Variants in HDAC4 observed in about 807,000 individuals in gnomAD.
HDAC4 encodes histone deacetylase 4, also known as histone deacetylase A.
HDAC4 carries 16 observed loss-of-function variants against 135.1 expected under a neutral mutation model. The observed-to-expected ratio is 0.12, with a 90% CI of 0.08 to 0.18. The LOEUF is 0.18. Ranked by LOEUF, HDAC4 falls within the 10% of genes least tolerant of loss-of-function variation. HDAC4 has a pLI of 1.00. For synonymous variants in HDAC4, 685 were observed against 653.4 expected (o/e 1.05, Z -0.74); for missense variants, 1,143 against 1,511.8 (o/e 0.76, Z 4.05).
intron 6 of HDAC4, among the ~76,000 whole-genome samples, chr2:239,159,038 ACAC>A (rs779561106): frequency 1.3e-5 from 2 of 149,802 alleles, no homozygotes; most frequent in Non-Finnish European, 3.0e-5. Context: ...TCACACCCAC[ACAC>A]ACCTCACCCA....
intron 3 of HDAC4, among the ~76,000 whole-genome samples, chr2:239,208,798 C>CA (rs933841503): frequency 2.5e-4 from 38 of 151,666 alleles, no homozygotes; most frequent in African/African-American, 6.3e-4. Flanking sequence ...ACATAAGAAA[C>CA]AAAAAAAATA....
chr2:239,159,587 C>T (rs766487076), intron 6 of HDAC4, among the ~76,000 whole-genome samples: 2 of 151,802 alleles, frequency 1.3e-5, no homozygotes, highest in Non-Finnish European at 2.9e-5. Context: ...CTTTCCCACA[C>T]CTCACACTCA....
chr2:239,153,777 TAGA>T (rs1456340950), intron 7 of HDAC4, among the ~76,000 whole-genome samples: 2 of 152,144 alleles, frequency 1.3e-5, no homozygotes, highest in Non-Finnish European at 2.9e-5. Context: ...AGAAGCACAG[TAGA>T]AGGTGTTGGA....
chr2:239,294,251 C>T (rs1003892742), intron 2 of HDAC4, among the ~76,000 whole-genome samples: 1 of 151,354 alleles, frequency 6.6e-6, no homozygotes, highest in Non-Finnish European at 1.5e-5. Context: ...GCAGGGGCAG[C>T]CCCTTCTGAA....
At chr2:239,071,051 C>G (rs566396540) in intron 22 of HDAC4, among the ~76,000 whole-genome samples, 1 of 151,320 alleles carries the variant, frequency 6.6e-6, no homozygotes, top group East Asian at 2.0e-4. Context: ...GGTTTCTCTT[C>G]AAAGCTCTTG....
intron 12 of HDAC4, among the ~76,000 whole-genome samples, chr2:239,122,209 C>T (rs961769075): frequency 2.0e-5 from 3 of 152,200 alleles, no homozygotes; most frequent in African/African-American, 7.2e-5. Context: ...GAAACACACC[C>T]GAGGCCCTCC....
At chr2:239,334,009 A>C (rs1007481728) in intron 2 of HDAC4, among the ~76,000 whole-genome samples, 8 of 152,248 alleles carry the variant, frequency 5.3e-5, no homozygotes, top group Admixed American at 3.3e-4. Flanking sequence ...AAAAGTTTTA[A>C]AAATTAGCAA....
At chr2:239,263,776 G>A (rs557887077) in intron 2 of HDAC4, among the ~76,000 whole-genome samples, 126 of 152,200 alleles carry the variant, frequency 8.3e-4, no homozygotes, top group Non-Finnish European at 1.5e-3. Context: ...CAGTGCTGCT[G>A]TCCTGGGCAT....
intron 2 of HDAC4, among the ~76,000 whole-genome samples, chr2:239,321,890 C>T (rs542640301): frequency 6.6e-6 from 1 of 152,278 alleles, no homozygotes; most frequent in East Asian, 1.9e-4. Flanking sequence ...CACTGCGAGT[C>T]GTCCAGGTTC....
chr2:239,307,117 A>AGC lies in HDAC4; in HGVS notation c.22+45559_22+45560dup, dbSNP rs1412828600. Among the ~76,000 whole-genome samples, 1 of 151,996 alleles carries AGC rather than the reference A, an allele frequency of 6.6e-6. No homozygotes were observed. The highest frequency in any genetic ancestry group is 2.4e-5 in the African/African-American group (1 of 41,392). ...TGGCCCATCTCAGGCCACACCCTCCAGCTCTGTGCCTGCCGTCCATCCTGG... is the reference window on the plus strand; with the variant it reads ...TGGCCCATCTCAGGCCACACCCTCCAGCGCTCTGTGCCTGCCGTCCATCCTGG... On this transcript the variant is annotated intron_variant, in intron 2 of 26. Coordinates refer to ENST00000543185, the MANE Select transcript of HDAC4 (RefSeq NM_001378414.1). The surrounding 1 kb of genome is among the most constrained non-coding windows in gnomAD (Gnocchi z 4.8).
At chr2:239,075,015 A>G (rs2152650422) in intron 22 of HDAC4, among the ~76,000 whole-genome samples, 1 of 152,206 alleles carries the variant, frequency 6.6e-6, no homozygotes. Flanking sequence ...TGAGGTCAGG[A>G]GATCGAGACC....
chr2:239,315,221 C>A (rs550011086), intron 2 of HDAC4, among the ~76,000 whole-genome samples: 1 of 152,338 alleles, frequency 6.6e-6, no homozygotes, highest in Non-Finnish European at 1.5e-5. Context: ...CACATACTGA[C>A]AGACGCCTCA....
chr2:239,252,886 C>T (rs1314750133), intron 2 of HDAC4, among the ~76,000 whole-genome samples: 1 of 152,338 alleles, frequency 6.6e-6, no homozygotes, highest in South Asian at 2.1e-4. Flanking sequence ...ACGCACACAC[C>T]CTTAAGACCC....
At chr2:239,219,844 C>T (rs2046851502) in intron 3 of HDAC4, among the ~76,000 whole-genome samples, 1 of 152,160 alleles carries the variant, frequency 6.6e-6, no homozygotes, top group African/African-American at 2.4e-5. Context: ...CTGTCTGAGG[C>T]ACACACTGTG....
intron 3 of HDAC4, among the ~76,000 whole-genome samples, chr2:239,216,213 T>C (rs904954625): frequency 4.6e-5 from 7 of 151,658 alleles, no homozygotes; most frequent in Non-Finnish European, 1.0e-4. Context: ...CACACACACA[T>C]AGATATTCAC....
Position 239,299,052 on chromosome 2 carries a change from TAG to T in HDAC4, c.22+53624_22+53625del. Reference sequence around the variant, plus strand: ...CCCAGCTAATTTTTTGTATTTTTAGTAGAGACGGGGTTTCATGTTAGCCAGGA... The same window carrying T: ...CCCAGCTAATTTTTTGTATTTTTAGTAGACGGGGTTTCATGTTAGCCAGGA... On this transcript the variant is annotated intron_variant, in intron 2 of 26. Transcript: ENST00000543185. The surrounding 1 kb of genome is among the most constrained non-coding windows in gnomAD (Gnocchi z 4.0). Among the ~76,000 whole-genome samples the T allele has an allele frequency of 6.6e-6, 1 of 152,186 alleles. No homozygotes were observed. The highest frequency in any genetic ancestry group is 2.4e-5 in the African/African-American group (1 of 41,536).
In HDAC4 at chr2:239,306,476, T is replaced by C. The variant is rs994549183; in HGVS notation, c.22+46202A>G. ...ACTAATACCTGACCCAGGGCCAAGC[T>C]ATCCTGTGTCCCATACTCGGCCCGT... On this transcript the variant is annotated intron_variant, in intron 2 of 26. Coordinates refer to ENST00000543185, the MANE Select transcript of HDAC4 (RefSeq NM_001378414.1). This position sits in a 1 kb window ranked among gnomAD's most constrained non-coding sequence, Gnocchi z 4.5. 2.0e-5 allele frequency among the ~76,000 whole-genome samples: 3 copies of C among 152,114 alleles called. No individual in the cohort carries two copies. Among genetic ancestry groups the C allele is most frequent in the African/African-American group, 7.2e-5 (3 of 41,426 alleles).
chr2:239,216,543 C>T (rs144573981), intron 3 of HDAC4, among the ~76,000 whole-genome samples: 1 of 152,318 alleles, frequency 6.6e-6, no homozygotes, highest in African/African-American at 2.4e-5. Flanking sequence ...GAAGAGAAGG[C>T]TTTGTTTAAC....
At chr2:239,134,664 G>A in intron 9 of HDAC4, 21 bp from the exon 10 acceptor site, 1 of 1,568,248 alleles carries the variant, frequency 6.4e-7, no homozygotes, top group Non-Finnish European at 8.8e-7. Context: ...AACACACGAT[G>A]ACCATCACAG....
Sources: allele counts gnomAD v4.1 joint callset (sites outside exome capture counted in the v4.1 genomes callset), GRCh38; gene constraint gnomAD v4.1.1; non-coding constraint Gnocchi (gnomAD v3.1); transcripts MANE v1.5; gene names NCBI Gene and HGNC (gene_info 2026-07-23, HGNC 2026-07-21).